SNX29: variants seen among roughly 807,000 people sequenced by gnomAD.
SNX29 encodes the protein sorting nexin-29.
SNX29 carries 78 observed loss-of-function variants against 102.1 expected under a neutral mutation model. That is an observed-to-expected ratio of 0.76 (90% CI 0.64 to 0.92). SNX29 has a LOEUF of 0.92. Ranked by LOEUF, SNX29 falls within the 40% of genes least tolerant of loss-of-function variation. The pLI is 0.00. For missense variants in SNX29, 1,280 were observed against 1,061.7 expected, an observed-to-expected ratio of 1.21 and a Z score of -2.86; for synonymous variants, 580 against 414.5, an observed-to-expected ratio of 1.40 and a Z score of -4.85.
chr16:12,024,367 A>G (rs1398334665), intron 3 of SNX29, among the ~76,000 whole-genome samples: 3 of 151,856 alleles, frequency 2.0e-5, no homozygotes, highest in African/African-American at 7.3e-5. Context: ...GCTGGTCTTG[A>G]ACTCCTGACC....
intron 13 of SNX29, among the ~76,000 whole-genome samples, chr16:12,139,115 T>C (rs1567241478): frequency 6.8e-6 from 1 of 146,332 alleles, no homozygotes; most frequent in Admixed American, 7.1e-5. Context: ...AGAGAATCAC[T>C]TGGGCCCAGG....
rs147274835 is a variant in SNX29, at chr16:12,076,120, G to A, written c.1320-2713G>A. Among the ~76,000 whole-genome samples the A allele has an allele frequency of 2.3e-3, 354 of 152,164 alleles. 3 individuals are homozygous for A. The highest frequency in any genetic ancestry group is 8.0e-3 in the African/African-American group (334 of 41,508). ...AACTCCCTGACCCCTTGCGCTTCCC[G>A]AGTGAGGCAATGCCTCACCCTGCTT... On this transcript the variant is annotated intron_variant, in intron 10 of 20. Transcript: ENST00000566228.
intron 16 of SNX29, among the ~76,000 whole-genome samples, chr16:12,396,375 T>C (rs1211194902): frequency 1.3e-5 from 2 of 152,184 alleles, no homozygotes; most frequent in African/African-American, 4.8e-5. Context: ...GGGTGCAAAC[T>C]CTGTTCACTT....
intron 15 of SNX29, among the ~76,000 whole-genome samples, chr16:12,278,846 T>G (rs1265997613): frequency 6.6e-6 from 1 of 152,232 alleles, no homozygotes; most frequent in African/African-American, 2.4e-5. Flanking sequence ...GATGGCTGCA[T>G]GTTGGGAAAT....
intron 14 of SNX29, among the ~76,000 whole-genome samples, chr16:12,230,755 G>A (rs1367590089): frequency 1.3e-5 from 2 of 152,118 alleles, no homozygotes; most frequent in African/African-American, 4.8e-5. Flanking sequence ...AAACTATTTG[G>A]GCTGCACGTT....
intron 8 of SNX29, among the ~76,000 whole-genome samples, chr16:12,059,165 C>G (rs541713655): frequency 6.4e-4 from 97 of 152,270 alleles, no homozygotes; most frequent in African/African-American, 2.2e-3. Context: ...TCACCTTGTA[C>G]TTGCATATGT....
At chr16:12,155,675 G>T (rs191383544) in intron 13 of SNX29, among the ~76,000 whole-genome samples, 2 of 152,200 alleles carry the variant, frequency 1.3e-5, no homozygotes, top group African/African-American at 4.8e-5. Context: ...GTGGCATGCC[G>T]AGATGGAAAA....
chr16:12,538,941 C>T (rs1045587414), intron 20 of SNX29, among the ~76,000 whole-genome samples: 2 of 152,088 alleles, frequency 1.3e-5, no homozygotes, highest in African/African-American at 2.4e-5. Context: ...GGGCATGTAG[C>T]AGTGCTGTGA....
At chr16:12,430,344 G>GATA (rs1241246085) in intron 18 of SNX29, among the ~76,000 whole-genome samples, 2 of 152,334 alleles carry the variant, frequency 1.3e-5, no homozygotes, top group Non-Finnish European at 2.9e-5. Flanking sequence ...TGAAGTGAAG[G>GATA]ATAATGACTG....
intron 19 of SNX29, among the ~76,000 whole-genome samples, chr16:12,505,789 CTG>C: frequency 1.1e-5 from 1 of 90,794 alleles, no homozygotes; most frequent in Admixed American, 1.2e-4. Flanking sequence ...AAAAAGGCAA[CTG>C]GGATTTTGAG....
intron 15 of SNX29, among the ~76,000 whole-genome samples, chr16:12,315,334 C>G (rs551425878): frequency 1.1e-4 from 17 of 152,272 alleles, no homozygotes; most frequent in African/African-American, 4.1e-4. Flanking sequence ...AGAGTAAATT[C>G]TTTACACCTT....
chr16:12,560,234 A>G (rs1204852046), intron 20 of SNX29, among the ~76,000 whole-genome samples: 1 of 151,944 alleles, frequency 6.6e-6, no homozygotes, highest in African/African-American at 2.4e-5. Context: ...AGCTTGCAGA[A>G]GAAAAGCCTG....
intron 19 of SNX29, among the ~76,000 whole-genome samples, chr16:12,483,124 T>TTTTTTG (rs1567610257): frequency 8.9e-6 from 1 of 111,798 alleles, no homozygotes. Flanking sequence ...GTTTTTTTTT[T>TTTTTTG]TTTTTTTTTT....
intron 20 of SNX29, among the ~76,000 whole-genome samples, chr16:12,531,050 G>A (rs533434330): frequency 3.9e-5 from 6 of 152,358 alleles, no homozygotes; most frequent in Admixed American, 1.3e-4. Flanking sequence ...CAGGCTTGAT[G>A]TGTAGAAGCC....
chr16:12,568,103 C>T (rs1053174600), intron 20 of SNX29, among the ~76,000 whole-genome samples: 15 of 152,176 alleles, frequency 9.9e-5, no homozygotes, highest in Admixed American at 9.8e-4. Flanking sequence ...TTTTGCTACG[C>T]ATCTTGTGTG....
rs60621681 is a variant in SNX29 at position 12,077,386 on chromosome 16, G to GGTGTGT, written c.1320-1410_1320-1405dup. ...TTTTGGTACTTTTCCTCCTAGTCAT[G>GGTGTGT]GTGTGTGTGTGTGTGTGTGTGTGTG... is the stretch of plus-strand genomic sequence containing the variant. On this transcript the variant is annotated intron_variant, in intron 10 of 20. Coordinates refer to ENST00000566228, the MANE Select transcript of SNX29 (RefSeq NM_032167.5). 5.2e-3 allele frequency among the ~76,000 whole-genome samples: 741 copies of GGTGTGT among 142,872 alleles called. 2 individuals are homozygous for GGTGTGT. The highest frequency in any genetic ancestry group is 0.011 in the African/African-American group (434 of 38,172). 93.7% of individuals were successfully genotyped at this position (142,872 alleles called of 152,430 possible). A position where few individuals can be genotyped will look rare whatever the true frequency, so the allele number is the denominator to read the frequency against.
intron 13 of SNX29, among the ~76,000 whole-genome samples, chr16:12,186,753 A>C (rs1286395595): frequency 6.6e-6 from 1 of 152,108 alleles, no homozygotes; most frequent in Non-Finnish European, 1.5e-5. Flanking sequence ...CAGTTGCTTG[A>C]TAGAACATCC....
At chr16:12,237,605 C>G (rs1035322180) in intron 14 of SNX29, among the ~76,000 whole-genome samples, 1 of 150,708 alleles carries the variant, frequency 6.6e-6, no homozygotes, top group African/African-American at 2.5e-5. Flanking sequence ...ACCCCCGTCT[C>G]TACTAAAAAT....
intron 3 of SNX29, among the ~76,000 whole-genome samples, chr16:12,025,949 G>C (rs918145173): frequency 6.6e-6 from 1 of 152,224 alleles, no homozygotes; most frequent in Non-Finnish European, 1.5e-5. Context: ...GCTTCTTCAA[G>C]TGTAAAATGG....
Sources: gnomAD v4.1 joint callset for allele counts (sites outside exome capture counted in the v4.1 genomes callset) on GRCh38, gnomAD v4.1.1 for gene constraint, MANE v1.5 for transcripts, NCBI Gene and HGNC (gene_info 2026-07-23, HGNC 2026-07-21) for gene names.